The following PEX7 variants were observed in gnomAD, a reference collection of about 807,000 sequenced individuals.
The protein encoded by PEX7 is PTS2 receptor.
In PEX7, 34 loss-of-function variants were observed where a neutral mutation model predicts 47.5. The ratio of observed to expected loss-of-function variants is 0.72; its 90% CI spans 0.54 to 0.95. PEX7 has a LOEUF of 0.95. Among genes scored for constraint, PEX7 ranks in the 40% least tolerant of loss-of-function variants. The pLI is 0.00. For synonymous variants in PEX7, 141 were observed against 148.8 expected (o/e 0.95, Z 0.38); for missense variants, 394 against 400.3 (o/e 0.98, Z 0.13).
intron 8 of PEX7, among the ~76,000 whole-genome samples, chr6:136,895,430 T>A (rs1489893827): frequency 6.6e-6 from 1 of 152,144 alleles, no homozygotes; most frequent in Non-Finnish European, 1.5e-5. Context: ...ATTGAAAAAA[T>A]TTTCCTGACT....
At chr6:136,901,022 CT>C in intron 9 of PEX7, 3 of 204,668 alleles carry the variant, frequency 1.5e-5, no homozygotes, top group Admixed American at 4.6e-5. Flanking sequence ...GGTGAGGTCC[CT>C]TTTGGGCTGG....
chr6:136,823,179 TGA>T, intron 1 of PEX7: 3 of 985,426 alleles, frequency 3.0e-6, no homozygotes, highest in Non-Finnish European at 3.6e-6. Context: ...GAAGACGGTC[TGA>T]GCCAGAACCG....
At chr6:136,883,539 C>T (rs1395522811) in intron 8 of PEX7, among the ~76,000 whole-genome samples, 1 of 152,088 alleles carries the variant, frequency 6.6e-6, no homozygotes, top group Non-Finnish European at 1.5e-5. Context: ...CTCCTCTGAC[C>T]CTTCCTTCTT....
intron 2 of PEX7, 58 bp downstream of exon 2, chr6:136,825,329 T>C (rs1462877878): frequency 1.2e-5 from 16 of 1,367,562 alleles, no homozygotes; most frequent in Non-Finnish European, 1.7e-5. Flanking sequence ...CTTAATAGAA[T>C]TAGGTTTTGA....
rs1388999826 is a variant in PEX7 at position 136,866,677 on chromosome 6, G to A, written c.577G>A (p.Val193Met). 2.5e-6 allele frequency: 4 copies of A among 1,613,986 alleles called. No individual in the cohort carries two copies. Among genetic ancestry groups the A allele is most frequent in the South Asian group, 2.2e-5 (2 of 91,082 alleles). Residue 193 changes from valine to methionine, a missense_variant, in exon 6 of 10, where the codon GTG becomes ATG. Coordinates refer to ENST00000318471, the MANE Select transcript of PEX7 (RefSeq NM_000288.4). ...WDVKAAGVRIVIPAHQAEILS... is the reference protein window; with the variant it reads ...WDVKAAGVRIMIPAHQAEILS... ...TGTGAAGGCAGCAGGAGTAAGAATC[G>A]TGATTCCTGCACATCAGGCAGAAAT...
At chr6:136,835,072 T>C (rs977708423) in intron 3 of PEX7, among the ~76,000 whole-genome samples, 2 of 152,094 alleles carry the variant, frequency 1.3e-5, no homozygotes, top group Non-Finnish European at 1.5e-5. Context: ...CCCAAGTATC[T>C]GGGCTAACAG....
At chr6:136,884,941 A>G (rs1393856844) in intron 8 of PEX7, among the ~76,000 whole-genome samples, 1 of 152,216 alleles carries the variant, frequency 6.6e-6, no homozygotes, top group Non-Finnish European at 1.5e-5. Context: ...GAATGTTATC[A>G]TCGTAGATTT....
intron 3 of PEX7, among the ~76,000 whole-genome samples, chr6:136,826,698 G>A (rs533833989): frequency 6.8e-4 from 103 of 152,080 alleles, no homozygotes; most frequent in African/African-American, 2.4e-3. Flanking sequence ...TAGGCAGAAA[G>A]AACACCTCCA....
chr6:136,854,538 C>T (rs151106154), intron 5 of PEX7, among the ~76,000 whole-genome samples: 10 of 152,164 alleles, frequency 6.6e-5, no homozygotes, highest in East Asian at 5.8e-4. Flanking sequence ...TATAGTGAAT[C>T]GGATCTGTAA....
intron 8 of PEX7, among the ~76,000 whole-genome samples, chr6:136,897,700 CAATTGTTGAG>C (rs1562756624): frequency 6.6e-6 from 1 of 152,036 alleles, no homozygotes; most frequent in Non-Finnish European, 1.5e-5. Context: ...TCTTTCATGT[CAATTGTTGAG>C]AAATGAAGTC....
chr6:136,856,725 T>C (rs1411419693), intron 5 of PEX7, among the ~76,000 whole-genome samples: 2 of 152,102 alleles, frequency 1.3e-5, no homozygotes, highest in African/African-American at 4.8e-5. Flanking sequence ...CAACATGGAT[T>C]GAGGATGGAA....
At chr6:136,890,941 C>T (rs1562754265) in intron 8 of PEX7, among the ~76,000 whole-genome samples, 1 of 152,194 alleles carries the variant, frequency 6.6e-6, no homozygotes, top group Non-Finnish European at 1.5e-5. Context: ...GATACTATTT[C>T]ATGAGTAGAG....
chr6:136,842,744 G>C (rs1774524446), intron 3 of PEX7, among the ~76,000 whole-genome samples: 1 of 152,194 alleles, frequency 6.6e-6, no homozygotes, highest in African/African-American at 2.4e-5. Flanking sequence ...CCAAAATCTA[G>C]CAGGTATGTG....
chr6:136,872,302 G>A, intron 8 of PEX7, 49 bp downstream of exon 8: 1 of 1,389,458 alleles, frequency 7.2e-7, no homozygotes, highest in Non-Finnish European at 1.0e-6. Context: ...GGTAACATTT[G>A]CATCTTTGCA....
At chr6:136,892,220 T>G (rs538565288) in intron 8 of PEX7, among the ~76,000 whole-genome samples, 92 of 152,342 alleles carry the variant, frequency 6.0e-4, no homozygotes, top group Non-Finnish European at 1.1e-3. Context: ...AGTGGCTGAC[T>G]AATGGACTCT....
chr6:136,897,876 G>A (rs1228179884), intron 8 of PEX7, among the ~76,000 whole-genome samples: 1 of 151,478 alleles, frequency 6.6e-6, no homozygotes, highest in Admixed American at 6.6e-5. Context: ...TTAAGCTTCT[G>A]TCCTAAAAGG....
intron 9 of PEX7, among the ~76,000 whole-genome samples, chr6:136,899,127 C>T (rs1228925766): frequency 7.3e-6 from 1 of 136,332 alleles, no homozygotes; most frequent in Non-Finnish European, 1.5e-5. Context: ...GTCACCCAGG[C>T]TGGAGTGCAG....
At chr6:136,893,308 C>T (rs1208934872) in intron 8 of PEX7, among the ~76,000 whole-genome samples, 2 of 152,116 alleles carry the variant, frequency 1.3e-5, no homozygotes, top group African/African-American at 4.8e-5. Context: ...GCGCCAGCCT[C>T]ATGGGCCCTC....
At chr6:136,851,972 GT>G (rs1774765783) in intron 5 of PEX7, among the ~76,000 whole-genome samples, 1 of 91,604 alleles carries the variant, frequency 1.1e-5, no homozygotes, top group Non-Finnish European at 2.1e-5. Flanking sequence ...TCTGATGGTA[GT>G]TTCTTTTGCT....
Sources: allele counts gnomAD v4.1 joint callset (sites outside exome capture counted in the v4.1 genomes callset), GRCh38; gene constraint gnomAD v4.1.1; transcripts MANE v1.5; gene names NCBI Gene and HGNC (gene_info 2026-07-23, HGNC 2026-07-21).